Variants in FHIT observed in about 807,000 individuals in gnomAD.
The protein encoded by FHIT is bis(5'-adenosyl)-triphosphatase.
FHIT carries 19 observed loss-of-function variants against 17.9 expected under a neutral mutation model. That is an observed-to-expected ratio of 1.06 (90% CI 0.74 to 1.56). The LOEUF is 1.56. Ranked by LOEUF, FHIT falls within the 40% of genes most tolerant of loss-of-function variation. FHIT has a pLI of 0.00. For missense variants in FHIT, 248 were observed against 189.2 expected (o/e 1.31, Z -1.82); for synonymous variants, 81 against 69.7 (o/e 1.16, Z -0.81).
Position 60,224,702 on chromosome 3 carries a change from T to TTTTTATTTTATTTTA in FHIT, c.104-210565_104-210551dup, listed in dbSNP as rs144912388. Among the ~76,000 whole-genome samples the TTTTTATTTTATTTTA allele has an allele frequency of 2.0e-3, 287 of 142,402 alleles. 3 individuals carry two copies. The highest frequency in any genetic ancestry group is 6.3e-3 in the African/African-American group (238 of 37,648). 93.4% of individuals were successfully genotyped at this position (142,402 alleles called of 152,430 possible). A position where few individuals can be genotyped will look rare whatever the true frequency, so the allele number is the denominator to read the frequency against. On this transcript the variant is annotated intron_variant, in intron 5 of 9. Coordinates refer to ENST00000492590, the MANE Select transcript of FHIT (RefSeq NM_002012.4). ...TTCTCCTTTTTATCTCTCACCAGGA[T>TTTTTATTTTATTTTA]TTTTATTTTATTTTATTTTATTTTA... is the stretch of plus-strand genomic sequence containing the variant.
chr3:60,875,357 C>G (rs1276712734), intron 3 of FHIT, among the ~76,000 whole-genome samples: 1 of 152,162 alleles, frequency 6.6e-6, no homozygotes, highest in Non-Finnish European at 1.5e-5. Context: ...CTCCCACTTT[C>G]CAAGTTAACC....
At chr3:60,036,763 G>A (rs1701234386) in intron 5 of FHIT, among the ~76,000 whole-genome samples, 2 of 151,886 alleles carry the variant, frequency 1.3e-5, no homozygotes. Flanking sequence ...CCAGTCAACA[G>A]GTTTTGTTTG....
At chr3:61,085,995 T>C (rs1338006786) in intron 2 of FHIT, among the ~76,000 whole-genome samples, 3 of 152,212 alleles carry the variant, frequency 2.0e-5, no homozygotes, top group African/African-American at 7.2e-5. Context: ...ACTGACTTTG[T>C]ATCTAGCATC....
rs1705378774 is a variant in FHIT, at chr3:60,123,967, A to ATATATATATATAT, written c.104-109816_104-109815insATATATATATATA. On this transcript the variant is annotated intron_variant, in intron 5 of 9. Coordinates refer to ENST00000492590, the MANE Select transcript of FHIT (RefSeq NM_002012.4). ...CTTCCATTAACAGAAATGCACTAAAAATATATATATATATATATATATATA... is the reference window on the plus strand; with the variant it reads ...CTTCCATTAACAGAAATGCACTAAAATATATATATATATATATATATATATATATATATATATA... Among the ~76,000 whole-genome samples the ATATATATATATAT allele has an allele frequency of 8.3e-4, 23 of 27,792 alleles. 1 individual carries two copies. Among genetic ancestry groups the ATATATATATATAT allele is most frequent in the African/African-American group, 1.3e-3 (9 of 7,036 alleles). 18.2% of individuals were successfully genotyped at this position (27,792 alleles called of 152,430 possible). A position where few individuals can be genotyped will look rare whatever the true frequency, so the allele number is the denominator to read the frequency against.
At chr3:61,053,118 T>C (rs2034087082) in intron 2 of FHIT, among the ~76,000 whole-genome samples, 2 of 152,162 alleles carry the variant, frequency 1.3e-5, no homozygotes, top group Non-Finnish European at 2.9e-5. Context: ...TCCCATCCAC[T>C]GCAGGGAAGG....
At chr3:60,312,286 C>T (rs1392871773) in intron 5 of FHIT, among the ~76,000 whole-genome samples, 1 of 152,076 alleles carries the variant, frequency 6.6e-6, no homozygotes, top group African/African-American at 2.4e-5. Context: ...TAGGCATACA[C>T]CATCATGCCT....
At chr3:60,261,308 G>C (rs1267473580) in intron 5 of FHIT, among the ~76,000 whole-genome samples, 1 of 151,878 alleles carries the variant, frequency 6.6e-6, no homozygotes, top group Non-Finnish European at 1.5e-5. Context: ...CGACAGGTGA[G>C]AAAAGAAAAA....
intron 5 of FHIT, among the ~76,000 whole-genome samples, chr3:60,469,504 A>G (rs1445343413): frequency 3.9e-5 from 6 of 152,036 alleles, no homozygotes; most frequent in Admixed American, 6.6e-5. Context: ...TTGATTCTTT[A>G]TATCTCCCTC....
intron 4 of FHIT, among the ~76,000 whole-genome samples, chr3:60,714,653 G>A (rs539807620): frequency 6.1e-4 from 93 of 152,246 alleles, no homozygotes; most frequent in African/African-American, 2.2e-3. Flanking sequence ...GACAAACAGA[G>A]AGCCAAATCA....
chr3:60,124,599 G>A (rs1379676421), intron 5 of FHIT, among the ~76,000 whole-genome samples: 1 of 152,136 alleles, frequency 6.6e-6, no homozygotes, highest in East Asian at 1.9e-4. Flanking sequence ...TTGTTAGACT[G>A]CATCTTCTTT....
chr3:60,060,089 G>C (rs886948144), intron 5 of FHIT, among the ~76,000 whole-genome samples: 5 of 151,936 alleles, frequency 3.3e-5, no homozygotes, highest in Admixed American at 3.3e-4. Flanking sequence ...CAGACTCACA[G>C]CAACAGGAAA....
At chr3:60,419,199 T>C (rs1702380899) in intron 5 of FHIT, among the ~76,000 whole-genome samples, 1 of 152,220 alleles carries the variant, frequency 6.6e-6, no homozygotes, top group South Asian at 2.1e-4. Flanking sequence ...TCTGCTGTTT[T>C]CTCATTTGCA....
chr3:61,224,754 T>A (rs1469373516), intron 1 of FHIT, among the ~76,000 whole-genome samples: 1 of 152,148 alleles, frequency 6.6e-6, no homozygotes, highest in African/African-American at 2.4e-5. Flanking sequence ...CATTAAGCAC[T>A]GAAAGGATGA....
At chr3:61,199,677 A>G (rs957633848) in intron 2 of FHIT, among the ~76,000 whole-genome samples, 1 of 152,234 alleles carries the variant, frequency 6.6e-6, no homozygotes, top group Non-Finnish European at 1.5e-5. Context: ...GGAAGAACTT[A>G]AAGTACATGG....
chr3:60,252,462 G>C (rs1362688135), intron 5 of FHIT, among the ~76,000 whole-genome samples: 1 of 151,970 alleles, frequency 6.6e-6, no homozygotes, highest in African/African-American at 2.4e-5. Flanking sequence ...TACTAGAAAG[G>C]CTAGGTGGGA....
intron 1 of FHIT, among the ~76,000 whole-genome samples, chr3:61,232,471 T>A (rs2040130626): frequency 6.6e-6 from 1 of 152,088 alleles, no homozygotes; most frequent in Non-Finnish European, 1.5e-5. Context: ...GGTATGTGAG[T>A]CATAATTTCC....
intron 7 of FHIT, among the ~76,000 whole-genome samples, chr3:59,982,464 C>T (rs1043079033): frequency 6.6e-6 from 1 of 152,124 alleles, no homozygotes; most frequent in Admixed American, 6.6e-5. Flanking sequence ...AAAGCTAGCA[C>T]AAACCAATTC....
At chr3:60,441,776 G>T (rs373407290) in intron 5 of FHIT, among the ~76,000 whole-genome samples, 3 of 40,490 alleles carry the variant, frequency 7.4e-5, no homozygotes, top group Admixed American at 3.3e-4. Context: ...ATATTTATAT[G>T]TATAAAAATA....
intron 5 of FHIT, among the ~76,000 whole-genome samples, chr3:60,437,861 C>T (rs2030415290): frequency 6.6e-6 from 1 of 151,904 alleles, no homozygotes; most frequent in African/African-American, 2.4e-5. Flanking sequence ...ATTCTCTACC[C>T]CATGCACCAA....
Sources: allele counts gnomAD v4.1 joint callset (sites outside exome capture counted in the v4.1 genomes callset), GRCh38; gene constraint gnomAD v4.1.1; transcripts MANE v1.5; gene names NCBI Gene and HGNC (gene_info 2026-07-23, HGNC 2026-07-21).